The following IGSF9B variants were observed in gnomAD, a reference collection of about 807,000 sequenced individuals.
The protein encoded by IGSF9B is immunoglobulin superfamily member 9B.
A neutral mutation model predicts 143.7 loss-of-function variants in IGSF9B; 48 were observed. The observed-to-expected ratio is 0.33, with a 90% CI of 0.26 to 0.42. The LOEUF (loss-of-function observed/expected upper bound fraction) is 0.42, where lower values mean the gene tolerates loss of function less well. Among genes scored for constraint, IGSF9B ranks in the 20% least tolerant of loss-of-function variants. The pLI is 1.00. For missense variants in IGSF9B, 1,706 were observed against 1,980.0 expected, an observed-to-expected ratio of 0.86 and a Z score of 2.63; for synonymous variants, 903 against 833.1, an observed-to-expected ratio of 1.08 and a Z score of -1.44.
Position 133,897,215 on chromosome 11 carries a change from CAG to C in IGSF9B, c.*11852_*11853del, listed in dbSNP as rs369979074. The C allele has an allele frequency of 6.6e-6, 1 of 152,126 alleles. No individual in the cohort carries two copies. Among genetic ancestry groups the C allele is most frequent in the Non-Finnish European group, 1.5e-5 (1 of 68,038 alleles). The allele number at this position is 152,126 out of a possible 1,614,324, so 9.4% of individuals were successfully genotyped here. On this transcript the variant is annotated 3_prime_UTR_variant, in exon 20 of 20. Transcript: ENST00000533871. Reference sequence around the variant, plus strand: ...ACGGAGAAGGGAAGGAGGCAGAAAACAGGGGAGAGAGCATCCCCCCTTCATTC... The same window carrying C: ...ACGGAGAAGGGAAGGAGGCAGAAAACGGGAGAGAGCATCCCCCCTTCATTC...
In IGSF9B at chr11:133,920,209, C is replaced by A; in HGVS notation, c.3516G>T (p.Glu1172Asp). 1 of 1,514,854 alleles carries A rather than the reference C, an allele frequency of 6.6e-7. No individual in the cohort carries two copies. The highest frequency in any genetic ancestry group is 8.8e-7 in the Non-Finnish European group (1 of 1,132,154). 93.8% of individuals were successfully genotyped at this position (1,514,854 alleles called of 1,614,324 possible). ...GGCTAGGCCGGGGCCGGGGCTGGGGCTCATACCACCGGGTGTCCAGGCCAA... is the reference window on the plus strand; with the variant it reads ...GGCTAGGCCGGGGCCGGGGCTGGGGATCATACCACCGGGTGTCCAGGCCAA... ...STFGLDTRWY[E>D]PQPRPRPSPR... The change falls in exon 18 of 20, where the codon GAG (glutamate) becomes GAT (aspartate). Residue 1172 changes from glutamate to aspartate, a missense_variant. Around this residue, in one of 7 missense-constraint regions of IGSF9B, gnomAD observed 880 missense variants for 762.9 expected, o/e 1.15. Transcript: ENST00000533871.
rs1217822535 is a variant in IGSF9B at position 133,902,213 on chromosome 11, CCA to C, written c.*6854_*6855del. On this transcript the variant is annotated 3_prime_UTR_variant, in exon 20 of 20. Coordinates refer to ENST00000533871, the MANE Select transcript of IGSF9B (RefSeq NM_001277285.4). The stretch of plus-strand genomic sequence containing the variant: ...ACACCAGACACACCACAAGCATACA[CCA>C]CACGCAACATACACACACCAAACCA... Among the ~76,000 whole-genome samples the C allele has an allele frequency of 6.8e-6, 1 of 147,260 alleles. No individual in the cohort carries two copies. Among genetic ancestry groups the C allele is most frequent in the Non-Finnish European group, 1.5e-5 (1 of 66,818 alleles).
Position 133,953,079 on chromosome 11 carries a change from A to G in IGSF9B, c.64+3612T>C, listed in dbSNP as rs1940192402. The stretch of plus-strand genomic sequence containing the variant: ...CTGAGGAAGAGAGGGCCAAGGAAGA[A>G]GACACAGCCAGCACCCTGGCTGGGG... On this transcript the variant is annotated intron_variant, in intron 1 of 19. Coordinates refer to ENST00000533871, the MANE Select transcript of IGSF9B (RefSeq NM_001277285.4). This position sits in a 1 kb window ranked among gnomAD's most constrained non-coding sequence, Gnocchi z 4.2. 6.6e-6 allele frequency among the ~76,000 whole-genome samples: 1 copy of G among 152,190 alleles called. No individual in the cohort carries two copies. Among genetic ancestry groups the G allele is most frequent in the South Asian group, 2.1e-4 (1 of 4,832 alleles).
intron 4 of IGSF9B, 106 bp from the exon 5 acceptor site, chr11:133,937,599 G>A: frequency 9.6e-7 from 1 of 1,045,740 alleles, no homozygotes. Flanking sequence ...GATGACCACA[G>A]GGACAGATGC....
chr11:133,954,341 C>T (rs1250587373), intron 1 of IGSF9B, among the ~76,000 whole-genome samples: 6 of 152,130 alleles, frequency 3.9e-5, no homozygotes, highest in African/African-American at 4.8e-5. Flanking sequence ...ATCCTGCACA[C>T]GTGTCCCTGG....
chr11:133,951,484 C>T (rs1015099151), intron 1 of IGSF9B, among the ~76,000 whole-genome samples: 2 of 152,240 alleles, frequency 1.3e-5, no homozygotes, highest in African/African-American at 2.4e-5. Flanking sequence ...CTGCGGGGGC[C>T]GCTCCGGCCC....
In IGSF9B at chr11:133,906,568, A is replaced by C. The variant is rs983493098; in HGVS notation, c.*2501T>G. Reference sequence around the variant, plus strand: ...GCACTGCCAGAGGAAGCGGAGGAGGAGTCAGCACCTGGGTTAGCACGGGGG... The same window carrying C: ...GCACTGCCAGAGGAAGCGGAGGAGGCGTCAGCACCTGGGTTAGCACGGGGG... On this transcript the variant is annotated 3_prime_UTR_variant, in exon 20 of 20. Coordinates refer to ENST00000533871, the MANE Select transcript of IGSF9B (RefSeq NM_001277285.4). Among the ~76,000 whole-genome samples, 3 of 152,208 alleles carry C rather than the reference A, an allele frequency of 2.0e-5. No individual in the cohort carries two copies. Among genetic ancestry groups the C allele is most frequent in the African/African-American group, 4.8e-5 (2 of 41,452 alleles).
chr11:133,933,140 C>G (rs1410442966), intron 7 of IGSF9B, among the ~76,000 whole-genome samples: 2 of 152,134 alleles, frequency 1.3e-5, no homozygotes, highest in Non-Finnish European at 2.9e-5. Flanking sequence ...GATGCACGTC[C>G]GAGCCTGCTC....
At chr11:133,951,876 C>G in intron 1 of IGSF9B, 1 of 261,152 alleles carries the variant, frequency 3.8e-6, no homozygotes, top group Admixed American at 4.1e-5. Flanking sequence ...CATGTTTACT[C>G]CCCGGGCAAC....
Position 133,944,310 on chromosome 11 carries a change from C to T in IGSF9B, c.319G>A (p.Asp107Asn). The change falls in exon 3 of 20, where the codon GAC becomes AAC. Residue 107 changes from aspartate to asparagine, a missense_variant. This residue lies in a region of IGSF9B where 171 missense variants were observed against 213.9 expected (regional missense o/e 0.80). Coordinates refer to ENST00000533871, the MANE Select transcript of IGSF9B (RefSeq NM_001277285.4). ...SLRLEQVRSE[D>N]QGWYECKVLM... ...ACTTTGCACTCATACCAGCCCTGGT[C>T]CTCAGAGCGAACTTGTTCCAGCCGC... 6.2e-7 allele frequency: 1 copy of T among 1,613,984 alleles called. No individual in the cohort carries two copies. The highest frequency in any genetic ancestry group is 1.1e-5 in the South Asian group (1 of 91,068).
rs1481832756 is a variant in IGSF9B, at chr11:133,948,706, C to CT, written c.65-2449dup. ...TGAGGAGATAAGAAACTACAAGAGC[C>CT]TAGGGGAAGAGGAGGGAGTTATTCC... On this transcript the variant is annotated intron_variant, in intron 1 of 19. Coordinates refer to ENST00000533871, the MANE Select transcript of IGSF9B (RefSeq NM_001277285.4). The surrounding 1 kb of genome is among the most constrained non-coding windows in gnomAD (Gnocchi z 4.7). Among the ~76,000 whole-genome samples the CT allele has an allele frequency of 6.6e-6, 1 of 150,600 alleles. No individual in the cohort carries two copies. Among genetic ancestry groups the CT allele is most frequent in the Non-Finnish European group, 1.5e-5 (1 of 67,878 alleles).
rs1939215274 is a variant in IGSF9B at position 133,906,705 on chromosome 11, A to C, written c.*2364T>G. 6.6e-6 allele frequency among the ~76,000 whole-genome samples: 1 copy of C among 152,164 alleles called. No individual in the cohort carries two copies. Among genetic ancestry groups the C allele is most frequent in the Non-Finnish European group, 1.5e-5 (1 of 68,026 alleles). ...CTTCTTTTCTAACCTGAGGGCTGGAATTCCCAGGAGGGTGCTCAGAAAAGT... is the reference window on the plus strand; with the variant it reads ...CTTCTTTTCTAACCTGAGGGCTGGACTTCCCAGGAGGGTGCTCAGAAAAGT... On this transcript the variant is annotated 3_prime_UTR_variant, in exon 20 of 20. Transcript: ENST00000533871.
intron 18 of IGSF9B, among the ~76,000 whole-genome samples, chr11:133,917,733 G>A (rs935038550): frequency 6.6e-6 from 1 of 152,104 alleles, no homozygotes; most frequent in African/African-American, 2.4e-5. Context: ...TGTACTCCTC[G>A]AGAGAGCCTA....
chr11:133,925,375 G>C (rs1264768634), intron 14 of IGSF9B, among the ~76,000 whole-genome samples: 1 of 152,218 alleles, frequency 6.6e-6, no homozygotes, highest in African/African-American at 2.4e-5. Flanking sequence ...GACACACCTA[G>C]AAGAGAATTC....
Position 133,903,048 on chromosome 11 carries a change from C to T in IGSF9B, c.*6021G>A, listed in dbSNP as rs932896641. 1.3e-5 allele frequency among the ~76,000 whole-genome samples: 2 copies of T among 152,130 alleles called. No individual in the cohort carries two copies. The highest frequency in any genetic ancestry group is 2.9e-5 in the Non-Finnish European group (2 of 68,034). The stretch of plus-strand genomic sequence containing the variant: ...CTCCGAGATTCCCTGCCCCTCCCAC[C>T]ACCTCCCCATCGTAAACCACGCACA... On this transcript the variant is annotated 3_prime_UTR_variant, in exon 20 of 20. Coordinates refer to ENST00000533871, the MANE Select transcript of IGSF9B (RefSeq NM_001277285.4).
In IGSF9B at chr11:133,909,306, G is replaced by C; in HGVS notation, c.4106-29C>G. 1 of 1,508,816 alleles carries C rather than the reference G, an allele frequency of 6.6e-7. No individual in the cohort carries two copies. The highest frequency in any genetic ancestry group is 8.9e-7 in the Non-Finnish European group (1 of 1,122,322). The allele number at this position is 1,508,816 out of a possible 1,614,324, so 93.5% of individuals were successfully genotyped here. The stretch of plus-strand genomic sequence containing the variant: ...GGAAGAAAGGAAGAGGGACGCAAAA[G>C]AGAAGCAAGCGGATGAAAAGGAAGC... On this transcript the variant is annotated intron_variant, in intron 19 of 19. Coordinates refer to ENST00000533871, the MANE Select transcript of IGSF9B (RefSeq NM_001277285.4). The surrounding 1 kb of genome is among the most constrained non-coding windows in gnomAD (Gnocchi z 4.2).
chr11:133,921,105 T>C lies in IGSF9B; in HGVS notation c.2620A>G (p.Ile874Val), dbSNP rs748458206. 6.2e-7 allele frequency: 1 copy of C among 1,613,874 alleles called. No individual in the cohort carries two copies. The highest frequency in any genetic ancestry group is 2.2e-5 in the East Asian group (1 of 44,880). Residue 874 changes from isoleucine (I) to valine (V), a missense_variant, in exon 18 of 20, where the codon ATC becomes GTC. Coordinates refer to ENST00000533871, the MANE Select transcript of IGSF9B (RefSeq NM_001277285.4). ...EMEPSLKSRR[I>V]EGFPFAEETD... is the part of the protein sequence containing the mutation. ...TCCTCGGCGAAGGGGAAGCCCTCGA[T>C]GCGCCTGCTCTTCAGCGAGGGCTCC...
chr11:133,917,780 G>A (rs994780818), intron 18 of IGSF9B, among the ~76,000 whole-genome samples: 1 of 152,102 alleles, frequency 6.6e-6, no homozygotes, highest in Non-Finnish European at 1.5e-5. Context: ...TGAGGGGCCA[G>A]CCACCCCAGG....
Position 133,938,011 on chromosome 11 carries a change from G to C in IGSF9B, c.410-50C>G, listed in dbSNP as rs748417980. On this transcript the variant is annotated intron_variant, in intron 3 of 19. Transcript: ENST00000533871. ...AGGACACGCCATCAGCCACATCGCT[G>C]CCCTGCAACAACAGTACCTGCCCCA... is the stretch of plus-strand genomic sequence containing the variant. 1.5e-5 allele frequency: 24 copies of C among 1,590,916 alleles called. No homozygotes were observed. The Admixed American group carries it at 4.1e-4, about 27-fold the overall frequency.
Sources: allele counts gnomAD v4.1 joint callset (sites outside exome capture counted in the v4.1 genomes callset), GRCh38; gene constraint gnomAD v4.1.1; regional missense constraint gnomAD v4.1.1; non-coding constraint Gnocchi (gnomAD v3.1); transcripts MANE v1.5; gene names NCBI Gene and HGNC (gene_info 2026-07-23, HGNC 2026-07-21).